SCN3A: variants seen among roughly 807,000 people sequenced by gnomAD.
The protein encoded by SCN3A is sodium voltage-gated channel alpha subunit 3.
In SCN3A, 60 loss-of-function variants were observed where a neutral mutation model predicts 187.6. The ratio of observed to expected loss-of-function variants is 0.32; its 90% CI spans 0.26 to 0.40. The LOEUF (loss-of-function observed/expected upper bound fraction) is 0.40. Among genes scored for constraint, SCN3A ranks in the 10% least tolerant of loss-of-function variants. The pLI is 1.00. For missense variants in SCN3A, 1,601 were observed against 2,428.2 expected (o/e 0.66, Z 7.16); for synonymous variants, 788 against 829.2 (o/e 0.95, Z 0.85).
At chr2:165,113,713 T>A in intron 20 of SCN3A, 103 bp downstream of exon 20, 1 of 1,256,630 alleles carries the variant, frequency 8.0e-7, no homozygotes, top group East Asian at 2.3e-5. Context: ...GACACAGATA[T>A]GCCTTTTCTT....
chr2:165,180,123 A>G (rs1392423907), intron 2 of SCN3A, among the ~76,000 whole-genome samples: 1 of 152,194 alleles, frequency 6.6e-6, no homozygotes, highest in Non-Finnish European at 1.5e-5. Flanking sequence ...TGTGTAGGTA[A>G]AGCAAATACA....
At chr2:165,151,293 C>G (rs1339239087) in intron 11 of SCN3A, among the ~76,000 whole-genome samples, 2 of 152,140 alleles carry the variant, frequency 1.3e-5, no homozygotes, top group Non-Finnish European at 1.5e-5. Context: ...TTGTTAAAAA[C>G]TTAAATTTTG....
chr2:165,181,611 C>T (rs1003788171), intron 2 of SCN3A, among the ~76,000 whole-genome samples: 20 of 152,156 alleles, frequency 1.3e-4, no homozygotes, highest in African/African-American at 4.8e-4. Context: ...TTGACATTGA[C>T]AACAAATGCT....
intron 1 of SCN3A, among the ~76,000 whole-genome samples, chr2:165,188,095 G>A (rs536697178): frequency 6.6e-6 from 1 of 152,252 alleles, no homozygotes; most frequent in East Asian, 1.9e-4. Flanking sequence ...GATGTGGAGG[G>A]GGATGAGGTA....
rs1684898246 is a variant in SCN3A, at chr2:165,087,693, T to A, written c.*2457A>T. On this transcript the variant is annotated 3_prime_UTR_variant, in exon 28 of 28. Coordinates refer to ENST00000283254, the MANE Select transcript of SCN3A (RefSeq NM_006922.4). ...TTGAAAAAAAAGTTAATATAAATTC[T>A]CAATAACTATATCATTAATACCTTA... is the stretch of plus-strand genomic sequence containing the variant. 6.6e-6 allele frequency: 1 copy of A among 152,158 alleles called. No homozygotes were observed. The highest frequency in any genetic ancestry group is 2.1e-4 in the South Asian group (1 of 4,832). The allele number at this position is 152,158 out of a possible 1,614,324, so 9.4% of individuals were successfully genotyped here.
intron 18 of SCN3A, among the ~76,000 whole-genome samples, chr2:165,115,877 A>C (rs1312971342): frequency 3.3e-5 from 5 of 152,204 alleles, no homozygotes; most frequent in Admixed American, 6.5e-5. Context: ...TGCCATATGA[A>C]TATAACTTAA....
intron 12 of SCN3A, among the ~76,000 whole-genome samples, chr2:165,142,248 A>G (rs964546876): frequency 6.6e-6 from 1 of 152,158 alleles, no homozygotes; most frequent in African/African-American, 2.4e-5. Flanking sequence ...ACCAAATAAA[A>G]TGATTTTAGT....
chr2:165,140,759 C>T lies in SCN3A; in HGVS notation c.1911G>A (p.Gly637=). 1 of 1,614,064 alleles carries T rather than the reference C, an allele frequency of 6.2e-7. No individual in the cohort carries two copies. The highest frequency in any genetic ancestry group is 8.5e-7 in the Non-Finnish European group (1 of 1,179,988). The stretch of plus-strand genomic sequence containing the variant: ...TGTGCATCTTCCCATTTGCTGGAAG[C>T]CCTGGCACCATCCTGGATGACATAC... The part of the protein sequence containing the change: ...QASMSSRMVP[G]LPANGKMHST... The change falls in exon 13 of 28, where the codon GGG becomes GGA. Residue 637 remains glycine (G), a synonymous_variant. Transcript: ENST00000283254. The surrounding 1 kb of genome is among the most constrained non-coding windows in gnomAD (Gnocchi z 4.2).
At chr2:165,134,146 G>T (rs1470957620) in intron 15 of SCN3A, among the ~76,000 whole-genome samples, 1 of 152,082 alleles carries the variant, frequency 6.6e-6, no homozygotes, top group Non-Finnish European at 1.5e-5. Context: ...ATGTAATTGA[G>T]ATTAATAAGT....
chr2:165,182,385 G>A (rs992728663), intron 2 of SCN3A, among the ~76,000 whole-genome samples: 17 of 152,082 alleles, frequency 1.1e-4, no homozygotes, highest in Admixed American at 1.0e-3. Context: ...TTCCCTAGCT[G>A]TACAATGGAG....
intron 19 of SCN3A, among the ~76,000 whole-genome samples, chr2:165,115,138 C>T (rs1369635242): frequency 2.0e-5 from 3 of 152,094 alleles, no homozygotes; most frequent in Admixed American, 1.3e-4. Context: ...ACTGTAGCCT[C>T]GACTCCCTGC....
intron 2 of SCN3A, among the ~76,000 whole-genome samples, chr2:165,177,648 C>G (rs1053068697): frequency 4.6e-5 from 7 of 152,062 alleles, no homozygotes; most frequent in Non-Finnish European, 1.0e-4. Context: ...GAGGCACACT[C>G]ACACATGCCG....
chr2:165,112,010 C>A (rs1686142045), intron 21 of SCN3A, among the ~76,000 whole-genome samples: 1 of 152,188 alleles, frequency 6.6e-6, no homozygotes, highest in Non-Finnish European at 1.5e-5. Flanking sequence ...ACGAGGCACA[C>A]ATATGGCAAT....
At chr2:165,141,154 T>C (rs888133871) in intron 12 of SCN3A, among the ~76,000 whole-genome samples, 156 bp from the exon 13 acceptor site, 46 of 152,190 alleles carry the variant, frequency 3.0e-4, no homozygotes, top group African/African-American at 1.1e-3. Context: ...CACATATATT[T>C]TGATATTTTT....
chr2:165,132,185 C>T (rs914095067), intron 15 of SCN3A, among the ~76,000 whole-genome samples: 2 of 152,076 alleles, frequency 1.3e-5, no homozygotes, highest in African/African-American at 2.4e-5. Context: ...GAATCAATAT[C>T]GTGAAAATGG....
chr2:165,165,699 A>G (rs540082975), intron 5 of SCN3A, among the ~76,000 whole-genome samples: 1 of 152,298 alleles, frequency 6.6e-6, no homozygotes, highest in Admixed American at 6.5e-5. Flanking sequence ...TATTAAATTC[A>G]TTAGATTTTT....
At chr2:165,157,103 G>C (rs1449893655) in intron 9 of SCN3A, among the ~76,000 whole-genome samples, 1 of 151,744 alleles carries the variant, frequency 6.6e-6, no homozygotes, top group Non-Finnish European at 1.5e-5. Flanking sequence ...GTGGAGACAG[G>C]GTTTCACAGT....
At chr2:165,173,800 A>G (rs1690270187) in intron 3 of SCN3A, among the ~76,000 whole-genome samples, 2 of 152,158 alleles carry the variant, frequency 1.3e-5, no homozygotes. Context: ...TCCTTGTTTA[A>G]TAGCACCTCA....
chr2:165,160,888 G>C (rs1689322914), intron 9 of SCN3A, among the ~76,000 whole-genome samples: 1 of 152,026 alleles, frequency 6.6e-6, no homozygotes, highest in African/African-American at 2.4e-5. Flanking sequence ...TAATCCCCCT[G>C]CCTCTGCTTC....
Sources: gnomAD v4.1 joint callset for allele counts (sites outside exome capture counted in the v4.1 genomes callset) on GRCh38, gnomAD v4.1.1 for gene constraint, Gnocchi (gnomAD v3.1) non-coding constraint, MANE v1.5 for transcripts, NCBI Gene and HGNC (gene_info 2026-07-23, HGNC 2026-07-21) for gene names.